ELP1: variants seen among roughly 807,000 people sequenced by gnomAD.
The protein encoded by ELP1 is elongator acetyltransferase complex subunit 1, also known as elongator complex protein 1.
Under a neutral mutation model 183.2 loss-of-function variants are expected in ELP1, and 131 were observed. The ratio of observed to expected loss-of-function variants is 0.72; its 90% CI spans 0.62 to 0.83. The LOEUF is 0.83. Ranked by LOEUF, ELP1 falls within the 40% of genes least tolerant of loss-of-function variation. The probability of loss-of-function intolerance (pLI) is 0.00; values close to 1 mark genes in which losing one functional copy is unlikely to be tolerated. For missense variants in ELP1, 1,550 were observed against 1,594.9 expected, an observed-to-expected ratio of 0.97 and a Z score of 0.48; for synonymous variants, 555 against 569.0, an observed-to-expected ratio of 0.98 and a Z score of 0.35.
chr9:108,926,666 C>G (rs1829833954), intron 4 of ELP1, 63 bp from the exon 5 acceptor site: 1 of 1,174,008 alleles, frequency 8.5e-7, no homozygotes. Flanking sequence ...TTCCTAAGTA[C>G]CTATGGCACT....
chr9:108,903,224 A>C (rs1420616324), intron 15 of ELP1, among the ~76,000 whole-genome samples: 5 of 149,778 alleles, frequency 3.3e-5, no homozygotes, highest in Admixed American at 6.7e-5. Context: ...CTATCCCTCC[A>C]CCCTCCCCCA....
At chr9:108,882,295 G>T (rs187191108) in intron 29 of ELP1, 108 bp from the exon 30 acceptor site, 193 of 849,834 alleles carry the variant, frequency 2.3e-4, no homozygotes, top group Middle Eastern at 1.8e-3. Context: ...CTGGCCAGGG[G>T]AGAACTCCTA....
In ELP1 at chr9:108,893,965, GGCTTTTTCATA is replaced by G; in HGVS notation, c.2827_2837del (p.Tyr943HisfsTer10). On this transcript the variant is annotated frameshift_variant, in exon 26 of 37. Transcript: ENST00000374647. LOFTEE classifies it high-confidence loss of function. ...TACCACATTTGCTGAGGTGGCCAAT[GGCTTTTTCATA>G]TCGTTTCAAGTATTTGTCTATAGTA... 1 of 1,613,604 alleles carries G rather than the reference GGCTTTTTCATA, an allele frequency of 6.2e-7. No homozygotes were observed. The highest frequency in any genetic ancestry group is 8.5e-7 in the Non-Finnish European group (1 of 1,179,738).
rs184017312 is a variant in ELP1 at position 108,931,097 on chromosome 9, C to T, written c.50G>A (p.Gly17Asp). 2 of 1,614,066 alleles carry T rather than the reference C, an allele frequency of 1.2e-6. No homozygotes were observed. The highest frequency in any genetic ancestry group is 2.2e-5 in the East Asian group (1 of 44,886). ...AGAGAAGCACTGAGGATTCCCTGGA[C>T]CTTGAATATCCCTGAACTCCAGGGT... ...FRTLEFRDIQ[G>D]PGNPQCFSLR... Residue 17 changes from glycine (G) to aspartate (D), a missense_variant, in exon 2 of 37, where the codon GGT becomes GAT. Coordinates refer to ENST00000374647, the MANE Select transcript of ELP1 (RefSeq NM_003640.5).
chr9:108,909,756 A>T (rs1187796576), intron 12 of ELP1, among the ~76,000 whole-genome samples: 1 of 152,118 alleles, frequency 6.6e-6, no homozygotes, highest in Non-Finnish European at 1.5e-5. Flanking sequence ...CCTATGGCCA[A>T]CCCCACATAT....
In ELP1 at chr9:108,910,839, AAAAAAC is replaced by A. The variant is rs1208117280; in HGVS notation, c.1360+165_1360+170del. On this transcript the variant is annotated intron_variant, in intron 12 of 36. Transcript: ENST00000374647. ...CAAACCAGTATAGGATTAAAAAAAA[AAAAAAC>A]AAAAACCCAAGGCAATTAAATATCA... Among the ~76,000 whole-genome samples, 4 of 151,736 alleles carry A rather than the reference AAAAAAC, an allele frequency of 2.6e-5. No individual in the cohort carries two copies. The East Asian group carries it at 7.7e-4, about 29-fold the overall frequency.
chr9:108,871,086 G>C (rs2850), intron 36 of ELP1, among the ~76,000 whole-genome samples: 61,756 of 150,332 alleles, frequency 0.41, 15,015 homozygotes, highest in African/African-American at 0.69. Flanking sequence ...TTCTCTAGCA[G>C]GAATTTATTG....
At chr9:108,904,143 C>T (rs570759243) in intron 14 of ELP1, among the ~76,000 whole-genome samples, 2 of 152,148 alleles carry the variant, frequency 1.3e-5, no homozygotes, top group South Asian at 2.1e-4. Context: ...ACTATCATAT[C>T]GATTGATGGA....
intron 10 of ELP1, among the ~76,000 whole-genome samples, chr9:108,913,221 G>A (rs555311898): frequency 6.6e-6 from 1 of 152,248 alleles, no homozygotes; most frequent in African/African-American, 2.4e-5. Context: ...ATCTAGACTA[G>A]CATCATTGTG....
At chr9:108,907,986 T>G (rs1026420548) in intron 13 of ELP1, among the ~76,000 whole-genome samples, 1 of 152,342 alleles carries the variant, frequency 6.6e-6, no homozygotes, top group African/African-American at 2.4e-5. Context: ...TCCCCATTTA[T>G]GTAAGAGAAT....
At chr9:108,885,450 C>T (rs1378151266) in intron 29 of ELP1, among the ~76,000 whole-genome samples, 2 of 152,172 alleles carry the variant, frequency 1.3e-5, no homozygotes, top group East Asian at 3.9e-4. Context: ...ACTACCAATG[C>T]TCATTCCAGA....
At chr9:108,906,626 A>T in intron 13 of ELP1, 141 bp from the exon 14 acceptor site, 1 of 672,040 alleles carries the variant, frequency 1.5e-6, no homozygotes. Context: ...AGATACTACC[A>T]AATACTACAA....
At chr9:108,925,549 C>G (rs979664459) in intron 5 of ELP1, among the ~76,000 whole-genome samples, 2 of 152,084 alleles carry the variant, frequency 1.3e-5, no homozygotes. Context: ...GACTACTCCC[C>G]ACCCTTATCC....
At chr9:108,898,603 A>G (rs780957392) in intron 21 of ELP1, 22 bp from the exon 22 acceptor site, 6 of 1,603,268 alleles carry the variant, frequency 3.7e-6, no homozygotes, top group Middle Eastern at 1.7e-4. Flanking sequence ...AGGACAAAAC[A>G]TCTTCGTTCA....
rs111822718 is a variant in ELP1 at position 108,876,671 on chromosome 9, G to C, written c.3855+1324C>G. Among the ~76,000 whole-genome samples the C allele has an allele frequency of 2.5e-3, 383 of 151,966 alleles. 2 individuals are homozygous for C. The highest frequency in any genetic ancestry group is 7.9e-3 in the African/African-American group (327 of 41,426). ...GTCCTGCCTACAGTGAACACCAGAG[G>C]GGGAGTACAAAGCTGGAGGATGAAC... On this transcript the variant is annotated intron_variant, in intron 35 of 36. Transcript: ENST00000374647.
In ELP1 at chr9:108,878,672, G is replaced by GT; in HGVS notation, c.3650_3651insA (p.Leu1218ProfsTer7). ...CCACTTCACTCAGTGCCTCCAGGAG[G>GT]GCCAGGTCCTCCAGCGGACTGCCTT... On this transcript the variant is annotated frameshift_variant, in exon 34 of 37. Transcript: ENST00000374647. LOFTEE classifies it high-confidence loss of function. 1 of 1,614,180 alleles carries GT rather than the reference G, an allele frequency of 6.2e-7. No homozygotes were observed. The highest frequency in any genetic ancestry group is 1.7e-5 in the Admixed American group (1 of 60,024).
intron 9 of ELP1, among the ~76,000 whole-genome samples, chr9:108,916,674 T>C (rs1450781671): frequency 6.6e-6 from 1 of 152,126 alleles, no homozygotes; most frequent in Non-Finnish European, 1.5e-5. Context: ...TAAATAAATA[T>C]TGAAAATATG....
At chr9:108,910,206 A>G (rs1178557239) in intron 12 of ELP1, among the ~76,000 whole-genome samples, 6 of 152,180 alleles carry the variant, frequency 3.9e-5, no homozygotes, top group African/African-American at 1.4e-4. Context: ...CTGTAACAGC[A>G]TTTTACACAC....
chr9:108,899,062 C>T (rs987314948), intron 20 of ELP1, among the ~76,000 whole-genome samples: 3 of 151,672 alleles, frequency 2.0e-5, no homozygotes, highest in Non-Finnish European at 2.9e-5. Flanking sequence ...TTTGGGAGGC[C>T]GAGGTGGGCA....
Sources: allele counts gnomAD v4.1 joint callset (sites outside exome capture counted in the v4.1 genomes callset), GRCh38; gene constraint gnomAD v4.1.1; transcripts MANE v1.5; gene names NCBI Gene and HGNC (gene_info 2026-07-23, HGNC 2026-07-21).